Variants in XIRP2 observed in about 807,000 individuals in gnomAD.
XIRP2 encodes xin actin binding repeat containing 2.
XIRP2 carries 236 observed loss-of-function variants against 277.0 expected under a neutral mutation model. That is an observed-to-expected ratio of 0.85 (90% CI 0.77 to 0.95). The LOEUF is 0.95. XIRP2 is among the 40% of genes least tolerant of loss of function. The pLI is 0.00. For missense variants in XIRP2, 4,640 were observed against 4,157.5 expected (o/e 1.12, Z -3.19); for synonymous variants, 1,490 against 1,416.5 (o/e 1.05, Z -1.17).
At chr2:166,941,767 G>C (rs1204251845) in intron 2 of XIRP2, among the ~76,000 whole-genome samples, 1 of 152,056 alleles carries the variant, frequency 6.6e-6, no homozygotes, top group Non-Finnish European at 1.5e-5. Flanking sequence ...CAGAACAACT[G>C]TTCTATAAAA....
chr2:167,149,609 C>T (rs1399685863), intron 3 of XIRP2, among the ~76,000 whole-genome samples: 3 of 152,060 alleles, frequency 2.0e-5, no homozygotes, highest in Non-Finnish European at 4.4e-5. Context: ...TCATTATATA[C>T]ACAATTTATT....
intron 3 of XIRP2, among the ~76,000 whole-genome samples, chr2:167,170,583 A>G (rs947633575): frequency 1.3e-5 from 2 of 150,046 alleles, no homozygotes; most frequent in African/African-American, 4.9e-5. Context: ...TTGTCTATTT[A>G]CTGACAAAAA....
At chr2:167,089,006 A>T (rs1288908661) in intron 2 of XIRP2, among the ~76,000 whole-genome samples, 1 of 152,096 alleles carries the variant, frequency 6.6e-6, no homozygotes, top group Non-Finnish European at 1.5e-5. Flanking sequence ...CACTCAACAA[A>T]TGTTTGGTAA....
At chr2:167,067,119 TGTGTTCTGCCTCCC>T (rs1689320212) in intron 2 of XIRP2, among the ~76,000 whole-genome samples, 1 of 152,132 alleles carries the variant, frequency 6.6e-6, no homozygotes, top group Non-Finnish European at 1.5e-5. Flanking sequence ...TCTTCAAATA[TGTGTTCTGCCTCCC>T]TCCTTTCTAT....
chr2:167,243,056 A>G lies in XIRP2; in HGVS notation c.1664A>G (p.Lys555Arg), dbSNP rs762287780. Reference sequence around the variant, plus strand: ...GAAAACACAAATGACAGTTCTCAAAAAGATCTGAACTCAGAAAGAGAATAC... The same window carrying G: ...GAAAACACAAATGACAGTTCTCAAAGAGATCTGAACTCAGAAAGAGAATAC... ...VFENTNDSSQKDLNSEREYLE... is the reference protein window; with the variant it reads ...VFENTNDSSQRDLNSEREYLE... Residue 555 changes from lysine to arginine, a missense_variant, in exon 9 of 11, where the codon AAA (lysine) becomes AGA (arginine). By Grantham distance (26) the Lys-to-Arg change is conservative. Transcript: ENST00000409195. 77 of 1,613,994 alleles carry G rather than the reference A, an allele frequency of 4.8e-5. No homozygotes were observed. The highest frequency in any genetic ancestry group is 6.2e-5 in the Non-Finnish European group (73 of 1,180,000).
intron 2 of XIRP2, among the ~76,000 whole-genome samples, chr2:166,974,568 T>C (rs1273971693): frequency 1.3e-5 from 2 of 152,006 alleles, no homozygotes; most frequent in African/African-American, 4.8e-5. Context: ...TCCCTGAAGA[T>C]ATATAATAAC....
chr2:167,060,288 C>T (rs1193767616), intron 2 of XIRP2, among the ~76,000 whole-genome samples: 2 of 152,038 alleles, frequency 1.3e-5, no homozygotes, highest in Non-Finnish European at 2.9e-5. Context: ...GCAAAAGCAA[C>T]TTACATCTAT....
At chr2:166,932,601 G>T (rs1346262956) in intron 2 of XIRP2, among the ~76,000 whole-genome samples, 1 of 152,064 alleles carries the variant, frequency 6.6e-6, no homozygotes, top group African/African-American at 2.4e-5. Flanking sequence ...AATGTTCTGT[G>T]TAAGAAATAC....
At chr2:166,901,963 C>G (rs1227331420) in intron 1 of XIRP2, among the ~76,000 whole-genome samples, 1 of 151,970 alleles carries the variant, frequency 6.6e-6, no homozygotes, top group Non-Finnish European at 1.5e-5. Context: ...ATGTTTTAGC[C>G]AGAGATAGAG....
intron 2 of XIRP2, among the ~76,000 whole-genome samples, chr2:167,080,543 T>C (rs1689701313): frequency 6.6e-6 from 1 of 152,188 alleles, no homozygotes; most frequent in East Asian, 1.9e-4. Flanking sequence ...GCATGAAGTA[T>C]ATTCAATTCC....
In XIRP2 at chr2:167,028,875, T is replaced by G. The variant is rs1301893258; in HGVS notation, c.409-107034T>G. 2.7e-5 allele frequency among the ~76,000 whole-genome samples: 4 copies of G among 150,408 alleles called. No individual in the cohort carries two copies. In the East Asian group the frequency reaches 8.0e-4, roughly 30 times the overall value. On this transcript the variant is annotated intron_variant, in intron 2 of 10. Transcript: ENST00000409195. ...GATAAATTTTTAAAAGTGAAATAAT[T>G]TTTGCAAGTCAAGCGGACATTCTGA...
intron 3 of XIRP2, among the ~76,000 whole-genome samples, chr2:167,198,825 A>G (rs570559951): frequency 6.6e-6 from 1 of 152,240 alleles, no homozygotes; most frequent in South Asian, 2.1e-4. Context: ...AAGTGTGTTG[A>G]ATTAGTGTGG....
At chr2:167,103,128 G>A (rs1323896559) in intron 2 of XIRP2, among the ~76,000 whole-genome samples, 1 of 151,970 alleles carries the variant, frequency 6.6e-6, no homozygotes, top group Non-Finnish European at 1.5e-5. Context: ...TATGGAGCAA[G>A]ATCCTGTCTC....
chr2:166,962,006 A>G (rs996069925), intron 2 of XIRP2, among the ~76,000 whole-genome samples: 2 of 151,682 alleles, frequency 1.3e-5, no homozygotes, highest in African/African-American at 4.8e-5. Flanking sequence ...TGAAGATCGG[A>G]AGGTGAAAAA....
chr2:166,979,757 C>T (rs1686818023), intron 2 of XIRP2, among the ~76,000 whole-genome samples: 1 of 152,020 alleles, frequency 6.6e-6, no homozygotes, highest in Non-Finnish European at 1.5e-5. Context: ...ACGCATTTGC[C>T]TTCTTATACA....
chr2:167,089,829 C>G (rs959899759), intron 2 of XIRP2, among the ~76,000 whole-genome samples: 1 of 152,010 alleles, frequency 6.6e-6, no homozygotes, highest in Non-Finnish European at 1.5e-5. Context: ...TATGTATTAT[C>G]TAAAACGTTT....
chr2:166,931,234 C>T (rs1315523525), intron 2 of XIRP2, among the ~76,000 whole-genome samples: 2 of 152,200 alleles, frequency 1.3e-5, no homozygotes, highest in African/African-American at 4.8e-5. Flanking sequence ...TGGAAACAGA[C>T]ATGAATGTTT....
At chr2:166,994,884 A>G (rs1028620657) in intron 2 of XIRP2, among the ~76,000 whole-genome samples, 7 of 152,038 alleles carry the variant, frequency 4.6e-5, no homozygotes, top group African/African-American at 1.2e-4. Context: ...ATATTATACA[A>G]TAAAAAGTAA....
intron 3 of XIRP2, among the ~76,000 whole-genome samples, 171 bp downstream of exon 3, chr2:167,136,233 A>G (rs1432703431): frequency 1.3e-5 from 2 of 152,300 alleles, no homozygotes; most frequent in South Asian, 2.1e-4. Flanking sequence ...AAATGCTTCT[A>G]TCCTTATTAT....
Sources: allele counts gnomAD v4.1 joint callset (sites outside exome capture counted in the v4.1 genomes callset), GRCh38; gene constraint gnomAD v4.1.1; transcripts MANE v1.5; gene names NCBI Gene and HGNC (gene_info 2026-07-23, HGNC 2026-07-21).